The following PYM1 variants were observed in gnomAD, a reference collection of about 807,000 sequenced individuals.
PYM1 encodes PYM1 exon junction complex associated factor.
A neutral mutation model predicts 20.7 loss-of-function variants in PYM1; 7 were observed. That is an observed-to-expected ratio of 0.34 (90% CI 0.19 to 0.64). The LOEUF is 0.64. Ranked by LOEUF, PYM1 falls within the 30% of genes least tolerant of loss-of-function variation. The pLI, the probability that PYM1 is intolerant of heterozygous loss-of-function variation, is 0.74. For missense variants in PYM1, 194 were observed against 250.0 expected, an observed-to-expected ratio of 0.78 and a Z score of 1.51; for synonymous variants, 100 against 99.2, an observed-to-expected ratio of 1.01 and a Z score of -0.05.
At chr12:55,905,987 A>ATCTAATAGATATATATATTATTAT (rs1565714584) in intron 1 of PYM1, among the ~76,000 whole-genome samples, 9 of 124,466 alleles carry the variant, frequency 7.2e-5, no homozygotes, top group Non-Finnish European at 1.1e-4. Context: ...TATTATATAT[A>ATCTAATAGATATATATATTATTAT]ATATAAAATA....
At chr12:55,903,872 T>C (rs1223853291) in intron 1 of PYM1, among the ~76,000 whole-genome samples, 2 of 152,126 alleles carry the variant, frequency 1.3e-5, no homozygotes, top group Non-Finnish European at 2.9e-5. Flanking sequence ...TTTATTTAGA[T>C]GGAACTTAAA....
At chr12:55,916,485 G>A (rs577473084) in intron 1 of PYM1, among the ~76,000 whole-genome samples, 4 of 151,938 alleles carry the variant, frequency 2.6e-5, no homozygotes, top group Non-Finnish European at 5.9e-5. Flanking sequence ...CAAAAACATA[G>A]CATGTGATAA....
chr12:55,903,467 C>T lies in PYM1; in HGVS notation c.51G>A (p.Ala17=), dbSNP rs762548579. The change falls in exon 2 of 3, where the codon GCG becomes GCA. Residue 17 remains alanine (A), a synonymous_variant. Transcript: ENST00000408946. ...PAATETGKYI[A]STQRPDGTWR... ...AGGTCCCGTCAGGTCGCTGTGTTGA[C>T]GCGATATACTTGCCTAAAATAAGAA... is the stretch of plus-strand genomic sequence containing the variant. 20 of 1,613,740 alleles carry T rather than the reference C, an allele frequency of 1.2e-5. No individual in the cohort carries two copies. The highest frequency in any genetic ancestry group is 4.5e-5 in the East Asian group (2 of 44,894).
chr12:55,912,114 C>T (rs1160866970), intron 1 of PYM1, among the ~76,000 whole-genome samples: 3 of 151,506 alleles, frequency 2.0e-5, no homozygotes, highest in Non-Finnish European at 2.9e-5. Flanking sequence ...TTTGGGAAGC[C>T]GAGGCAGGTG....
chr12:55,903,275 T>C, intron 2 of PYM1, 112 bp downstream of exon 2: 1 of 894,354 alleles, frequency 1.1e-6, no homozygotes, highest in Non-Finnish European at 1.7e-6. Context: ...TGCCCCTCCT[T>C]CCATTTCCTT....
intron 1 of PYM1, among the ~76,000 whole-genome samples, chr12:55,905,881 T>TATATATATATCTATTAG (rs1356072433): frequency 8.7e-6 from 1 of 114,402 alleles, no homozygotes; most frequent in African/African-American, 3.2e-5. Context: ...ATCTATTAGA[T>TATATATATATCTATTAG]ATATATATTA....
At position 55,902,111 on chromosome 12, in the gene PYM1, T is replaced by G. The variant is rs894450315; in HGVS notation, c.376A>C (p.Ser126Arg). The G allele has an allele frequency of 8.1e-6, 13 of 1,613,998 alleles. No individual in the cohort carries two copies. The highest frequency in any genetic ancestry group is 1.1e-5 in the Non-Finnish European group (13 of 1,180,032). Reference protein sequence around the residue: ...VSLEETAQLPSAPQGSRAAPT... With the variant: ...VSLEETAQLPRAPQGSRAAPT... ...GCTGCCCGAGAGCCCTGTGGAGCAC[T>G]GGGGAGTTGGGCTGTCTCTTCCAGG... Residue 126 changes from serine to arginine, a missense_variant, in exon 3 of 3, where the codon AGT (serine) becomes CGT (arginine). This residue lies in a region of PYM1 where 158 missense variants were observed against 179.0 expected (regional missense o/e 0.88). Transcript: ENST00000408946.
chr12:55,906,052 C>T (rs945492277), intron 1 of PYM1, among the ~76,000 whole-genome samples: 10 of 146,302 alleles, frequency 6.8e-5, no homozygotes, highest in Admixed American at 2.9e-4. Context: ...TTATCATTGG[C>T]GAGAAAAACT....
intron 1 of PYM1, among the ~76,000 whole-genome samples, chr12:55,917,433 A>C (rs1883027003): frequency 6.6e-6 from 1 of 152,042 alleles, no homozygotes; most frequent in Non-Finnish European, 1.5e-5. Context: ...AACAAAAAAA[A>C]ATTAATTAAT....
intron 1 of PYM1, 176 bp downstream of exon 1, chr12:55,927,549 A>G (rs997638699): frequency 9.9e-6 from 8 of 806,796 alleles, no homozygotes; most frequent in African/African-American, 1.7e-5. Context: ...GGAGCAGACA[A>G]ACTCCAGGAA....
At chr12:55,919,414 A>G (rs752193903) in intron 1 of PYM1, among the ~76,000 whole-genome samples, 34 of 152,124 alleles carry the variant, frequency 2.2e-4, no homozygotes, top group Non-Finnish European at 4.6e-4. Context: ...TCAGCCTCCC[A>G]AAGTGTTGAG....
chr12:55,903,800 TAA>T (rs150124044), intron 1 of PYM1, among the ~76,000 whole-genome samples: 2,415 of 152,112 alleles, frequency 0.016, 65 homozygotes, highest in African/African-American at 0.056. Context: ...AACAAGAGGC[TAA>T]AAAGACACAA....
intron 1 of PYM1, among the ~76,000 whole-genome samples, chr12:55,925,938 C>T (rs140559488): frequency 5.8e-4 from 88 of 152,288 alleles, no homozygotes; most frequent in Non-Finnish European, 1.1e-3. Context: ...GGTAGTACCA[C>T]TTTAAATTGT....
intron 1 of PYM1, among the ~76,000 whole-genome samples, chr12:55,923,739 ATAAATC>A (rs1344768843): frequency 1.3e-5 from 2 of 152,082 alleles, no homozygotes; most frequent in African/African-American, 2.4e-5. Flanking sequence ...CAATTTTTCT[ATAAATC>A]TAAAAGTGTT....
At chr12:55,910,058 G>A (rs564926690) in intron 1 of PYM1, among the ~76,000 whole-genome samples, 56 of 152,142 alleles carry the variant, frequency 3.7e-4, no homozygotes, top group African/African-American at 1.3e-3. Context: ...AAAATTAGCT[G>A]TGTATGGTTA....
intron 2 of PYM1, 130 bp downstream of exon 2, chr12:55,903,257 C>CAG (rs761424469): frequency 1.4e-6 from 1 of 729,396 alleles, no homozygotes; most frequent in Non-Finnish European, 2.3e-6. Context: ...TCTCCTTTCT[C>CAG]AGATAGTTGC....
intron 1 of PYM1, among the ~76,000 whole-genome samples, chr12:55,918,070 A>G (rs1444979129): frequency 6.6e-6 from 1 of 151,442 alleles, no homozygotes; most frequent in African/African-American, 2.4e-5. Flanking sequence ...AATTATACCC[A>G]TGTAACAAAC....
chr12:55,901,505 G>A lies in PYM1; in HGVS notation c.*367C>T, dbSNP rs374485918. The stretch of plus-strand genomic sequence containing the variant: ...GAGGGAAATAACCCATAAACACCGC[G>A]AACAGGAACCAAGACTCCAAGACTT... On this transcript the variant is annotated 3_prime_UTR_variant, in exon 3 of 3. Transcript: ENST00000408946. 2.0e-4 allele frequency: 37 copies of A among 185,074 alleles called. No individual in the cohort carries two copies. Among genetic ancestry groups the A allele is most frequent in the Non-Finnish European group, 3.5e-4 (31 of 89,160 alleles). 11.5% of individuals were successfully genotyped at this position (185,074 alleles called of 1,614,324 possible).
intron 1 of PYM1, among the ~76,000 whole-genome samples, chr12:55,918,745 G>A (rs1359094766): frequency 6.6e-6 from 1 of 152,168 alleles, no homozygotes; most frequent in Non-Finnish European, 1.5e-5. Flanking sequence ...GCACGTGCCT[G>A]TAGTCCCAGC....
Sources: allele counts gnomAD v4.1 joint callset (sites outside exome capture counted in the v4.1 genomes callset), GRCh38; gene constraint gnomAD v4.1.1; regional missense constraint gnomAD v4.1.1; transcripts MANE v1.5; gene names NCBI Gene and HGNC (gene_info 2026-07-23, HGNC 2026-07-21).